DNAJC13: variants seen among roughly 807,000 people sequenced by gnomAD.
The protein encoded by DNAJC13 is DnaJ heat shock protein family (Hsp40) member C13, also known as dnaJ homolog subfamily C member 13.
DNAJC13 carries 75 observed loss-of-function variants against 290.5 expected under a neutral mutation model. The observed-to-expected ratio is 0.26, with a 90% confidence interval of 0.21 to 0.31. The LOEUF is 0.31. Among genes scored for constraint, DNAJC13 ranks in the 10% least tolerant of loss-of-function variants. The pLI is 1.00. For synonymous variants in DNAJC13, 862 were observed against 892.0 expected (o/e 0.97, Z 0.60); for missense variants, 2,260 against 2,674.5 (o/e 0.85, Z 3.42).
chr3:132,524,927 T>C (rs1936206179), intron 51 of DNAJC13, among the ~76,000 whole-genome samples: 1 of 152,256 alleles, frequency 6.6e-6, no homozygotes, highest in Non-Finnish European at 1.5e-5. Context: ...GGATTTTTAA[T>C]GAAACTGGGA....
intron 2 of DNAJC13, among the ~76,000 whole-genome samples, chr3:132,436,485 C>T (rs1939388604): frequency 6.6e-6 from 1 of 152,170 alleles, no homozygotes; most frequent in Non-Finnish European, 1.5e-5. Flanking sequence ...TACTCTTTTA[C>T]TATTATGAAT....
Position 132,482,333 on chromosome 3 carries a change from A to T in DNAJC13, c.2979+3A>T. On this transcript the variant is annotated splice_donor_region_variant and intron_variant, in intron 27 of 55. Transcript: ENST00000260818. ...GTGGCCCGTATGGATTTCATGAGGT[A>T]TGTATCTTGGAGATACTTTTGGTGA... The T allele has an allele frequency of 6.2e-7, 1 of 1,611,742 alleles. No homozygotes were observed. The highest frequency in any genetic ancestry group is 8.5e-7 in the Non-Finnish European group (1 of 1,178,274).
At chr3:132,445,952 A>G (rs899603354) in intron 2 of DNAJC13, among the ~76,000 whole-genome samples, 7 of 152,088 alleles carry the variant, frequency 4.6e-5, no homozygotes, top group African/African-American at 1.4e-4. Flanking sequence ...TTTGTGGTGT[A>G]GGCTTCCTAC....
intron 34 of DNAJC13, among the ~76,000 whole-genome samples, chr3:132,494,659 T>C (rs1935174291): frequency 6.6e-6 from 1 of 152,172 alleles, no homozygotes; most frequent in African/African-American, 2.4e-5. Context: ...ATTTATCTTG[T>C]TTATCAGTGA....
intron 26 of DNAJC13, among the ~76,000 whole-genome samples, chr3:132,481,295 G>GAA (rs1387519186): frequency 1.3e-5 from 2 of 152,124 alleles, no homozygotes; most frequent in African/African-American, 4.8e-5. Context: ...GTGATTGTAA[G>GAA]AAAAAGAACA....
At chr3:132,457,194 A>G (rs1933631638) in intron 12 of DNAJC13, 75 bp from the exon 13 acceptor site, 20 of 1,043,928 alleles carry the variant, frequency 1.9e-5, no homozygotes, top group African/African-American at 4.9e-5. Flanking sequence ...GAAAGTTAAT[A>G]TGATCTATTT....
chr3:132,446,610 G>A (rs1239907171), intron 3 of DNAJC13, 60 bp downstream of exon 3: 5 of 1,192,712 alleles, frequency 4.2e-6, no homozygotes, highest in Non-Finnish European at 6.0e-6. Flanking sequence ...TTAAAAGCCA[G>A]GCTGTGACCA....
intron 55 of DNAJC13, among the ~76,000 whole-genome samples, chr3:132,534,685 C>A (rs1019972491): frequency 2.6e-5 from 4 of 152,132 alleles, no homozygotes; most frequent in Non-Finnish European, 5.9e-5. Flanking sequence ...AGAACTATTT[C>A]AAGAATTAAA....
intron 39 of DNAJC13, among the ~76,000 whole-genome samples, chr3:132,501,484 T>G (rs1388993781): frequency 6.6e-6 from 1 of 151,980 alleles, no homozygotes; most frequent in Non-Finnish European, 1.5e-5. Flanking sequence ...CCTATGTTTC[T>G]GTGGCTAGTG....
intron 20 of DNAJC13, among the ~76,000 whole-genome samples, chr3:132,470,917 G>A (rs1480671837): frequency 5.6e-4 from 70 of 125,974 alleles, no homozygotes; most frequent in African/African-American, 1.9e-3. Context: ...CCTCCCGGAC[G>A]GGGCGGCTGG....
rs996896410 is a variant in DNAJC13 at position 132,502,452 on chromosome 3, A to G, written c.4700A>G (p.Glu1567Gly). 8 of 1,608,678 alleles carry G rather than the reference A, an allele frequency of 5.0e-6. No individual in the cohort carries two copies. The highest frequency in any genetic ancestry group is 6.8e-6 in the Non-Finnish European group (8 of 1,177,506). Residue 1567 changes from glutamate (E) to glycine (G), a missense_variant, in exon 40 of 56, where the codon GAA becomes GGA. Physicochemically the swap from Glu to Gly is moderately conservative, Grantham distance 98. This residue lies in a region of DNAJC13 where 1,494 missense variants were observed against 1,693.7 expected (regional missense o/e 0.88). Transcript: ENST00000260818. Reference sequence around the variant, plus strand: ...GAAGAGAGTGGCATTCAGAAAAGTGAAGAAACAAACCAGCAGGTAACTTTA... The same window carrying G: ...GAAGAGAGTGGCATTCAGAAAAGTGGAGAAACAAACCAGCAGGTAACTTTA... ...TLEESGIQKSEETNQQEVANS... is the reference protein window; with the variant it reads ...TLEESGIQKSGETNQQEVANS...
intron 46 of DNAJC13, 87 bp from the exon 47 acceptor site, chr3:132,516,335 C>G (rs1392478085): frequency 1.7e-6 from 2 of 1,174,318 alleles, no homozygotes; most frequent in Non-Finnish European, 2.5e-6. Context: ...TGTAGAACAT[C>G]TAGTTAAGTG....
intron 6 of DNAJC13, among the ~76,000 whole-genome samples, chr3:132,451,952 C>CT (rs1366526680): frequency 6.6e-6 from 1 of 152,158 alleles, no homozygotes; most frequent in African/African-American, 2.4e-5. Flanking sequence ...AGGTAAACCT[C>CT]TGTGTGTTAC....
At chr3:132,451,904 A>G (rs1933427666) in intron 6 of DNAJC13, among the ~76,000 whole-genome samples, 2 of 152,166 alleles carry the variant, frequency 1.3e-5, no homozygotes, top group African/African-American at 4.8e-5. Context: ...TCCCCACTTG[A>G]TGGGTACCAT....
chr3:132,528,656 C>T (rs1936329456), intron 54 of DNAJC13, among the ~76,000 whole-genome samples: 1 of 152,180 alleles, frequency 6.6e-6, no homozygotes, highest in Admixed American at 6.5e-5. Flanking sequence ...AGGAGTTATT[C>T]ATGGGTAGTG....
intron 10 of DNAJC13, 25 bp from the exon 11 acceptor site, chr3:132,456,476 T>C: frequency 1.2e-6 from 2 of 1,609,870 alleles, no homozygotes; most frequent in Non-Finnish European, 1.7e-6. Flanking sequence ...GTATCTTCTT[T>C]TTGAACCTCT....
At chr3:132,425,540 A>T (rs1051770487) in intron 1 of DNAJC13, among the ~76,000 whole-genome samples, 2 of 152,198 alleles carry the variant, frequency 1.3e-5, no homozygotes, top group East Asian at 3.8e-4. Context: ...TATGCATTTC[A>T]AAACAAATTC....
chr3:132,425,051 TA>T (rs981267110), intron 1 of DNAJC13, among the ~76,000 whole-genome samples: 29 of 152,178 alleles, frequency 1.9e-4, no homozygotes, highest in African/African-American at 6.8e-4. Context: ...TCATATTTTT[TA>T]CCATTTGTTT....
intron 29 of DNAJC13, among the ~76,000 whole-genome samples, chr3:132,486,469 A>G (rs1934881090): frequency 6.6e-6 from 1 of 151,992 alleles, no homozygotes; most frequent in African/African-American, 2.4e-5. Context: ...GCTCAGCATA[A>G]CATGAAGCTT....
Sources: gnomAD v4.1 joint callset for allele counts (sites outside exome capture counted in the v4.1 genomes callset) on GRCh38, gnomAD v4.1.1 for gene constraint, gnomAD v4.1.1 regional missense constraint, MANE v1.5 for transcripts, NCBI Gene and HGNC (gene_info 2026-07-23, HGNC 2026-07-21) for gene names.